WIPI1: variants seen among roughly 807,000 people sequenced by gnomAD.
The protein encoded by WIPI1 is WD repeat domain, phosphoinositide interacting 1, also known as WD repeat domain phosphoinositide-interacting protein 1.
A neutral mutation model predicts 55.3 loss-of-function variants in WIPI1; 45 were observed. The observed-to-expected ratio is 0.81, with a 90% confidence interval of 0.64 to 1.04. The LOEUF (loss-of-function observed/expected upper bound fraction) is 1.04. WIPI1 is among the 50% of genes least tolerant of loss of function. WIPI1 has a pLI of 0.00. For synonymous variants in WIPI1, 195 were observed against 217.6 expected (o/e 0.90, Z 0.92); for missense variants, 445 against 559.0 (o/e 0.80, Z 2.06).
rs778804856 is a variant in WIPI1 at position 68,435,716 on chromosome 17, T to C, written c.529-4A>G. 3.1e-6 allele frequency: 5 copies of C among 1,614,154 alleles called. No homozygotes were observed. The highest frequency in any genetic ancestry group is 4.2e-6 in the Non-Finnish European group (5 of 1,179,970). On this transcript the variant is annotated splice_region_variant and splice_polypyrimidine_tract_variant and intron_variant, in intron 5 of 12. Coordinates refer to ENST00000262139, the MANE Select transcript of WIPI1 (RefSeq NM_017983.7). ...CAGCAATAGTGCAGACTGTTTTCTG[T>C]TGGTGAAAAGGAAAAATGGATACAG...
intron 7 of WIPI1, among the ~76,000 whole-genome samples, chr17:68,433,781 T>TTTTG (rs2083644783): frequency 3.3e-5 from 3 of 90,246 alleles, no homozygotes; most frequent in African/African-American, 1.2e-4. Flanking sequence ...TTTTTTTTTT[T>TTTTG]TTTTTTTTTT....
chr17:68,454,396 T>A lies in WIPI1; in HGVS notation c.81-1404A>T, dbSNP rs1234934952. 2.6e-5 allele frequency among the ~76,000 whole-genome samples: 4 copies of A among 152,170 alleles called. No homozygotes were observed. In the East Asian group the frequency reaches 7.7e-4, roughly 29 times the overall value. ...TTTCACTAGCCTAAAAAAGAGAAGG[T>A]CACATGATTTTCCCTGGAATTTTTT... On this transcript the variant is annotated intron_variant, in intron 1 of 12. Transcript: ENST00000262139.
Position 68,421,589 on chromosome 17 carries a change from G to A in WIPI1, c.*184C>T, listed in dbSNP as rs2082777256. ...GTATACAATGTCTCCCGCGCCCATT[G>A]GCAACCAGGGTCGTGGGAAGCTTGG... On this transcript the variant is annotated 3_prime_UTR_variant, in exon 13 of 13. Coordinates refer to ENST00000262139, the MANE Select transcript of WIPI1 (RefSeq NM_017983.7). 1.2e-5 allele frequency: 9 copies of A among 731,184 alleles called. No homozygotes were observed. The South Asian group carries it at 1.5e-4, about 12-fold the overall frequency. The allele number at this position is 731,184 out of a possible 1,614,324, so 45.3% of individuals were successfully genotyped here.
At chr17:68,449,845 AAAAAAATACAG>A (rs1450536690) in intron 3 of WIPI1, among the ~76,000 whole-genome samples, 82 of 152,236 alleles carry the variant, frequency 5.4e-4, no homozygotes, top group Non-Finnish European at 1.1e-3. Context: ...CTGGCAATAT[AAAAAAATACAG>A]AAAAATTAGC....
rs547691823 is a variant in WIPI1, at chr17:68,423,769, T to C, written c.1294-1949A>G. ...CCCCAAATAAATGATCTGCACAAGGTACCTATTATTTTATACAGGTTCTTT... is the reference window on the plus strand; with the variant it reads ...CCCCAAATAAATGATCTGCACAAGGCACCTATTATTTTATACAGGTTCTTT... On this transcript the variant is annotated intron_variant, in intron 12 of 12. Coordinates refer to ENST00000262139, the MANE Select transcript of WIPI1 (RefSeq NM_017983.7). The surrounding 1 kb of genome is among the most constrained non-coding windows in gnomAD (Gnocchi z 4.4). Among the ~76,000 whole-genome samples, 1 of 152,324 alleles carries C rather than the reference T, an allele frequency of 6.6e-6. No homozygotes were observed. Among genetic ancestry groups the C allele is most frequent in the South Asian group, 2.1e-4 (1 of 4,826 alleles).
intron 1 of WIPI1, among the ~76,000 whole-genome samples, chr17:68,455,782 T>A (rs1456236963): frequency 1.3e-5 from 2 of 152,214 alleles, no homozygotes; most frequent in African/African-American, 4.8e-5. Context: ...ATGGCTAGAG[T>A]ATAAATTAAC....
At chr17:68,437,941 T>A (rs2083889166) in intron 4 of WIPI1, among the ~76,000 whole-genome samples, 1 of 48,602 alleles carries the variant, frequency 2.1e-5, no homozygotes, top group African/African-American at 7.0e-5. Context: ...AAGAGAGACA[T>A]CTCTCTTAAA....
chr17:68,429,883 C>T (rs1367687422), intron 9 of WIPI1, 113 bp downstream of exon 9: 2 of 1,516,638 alleles, frequency 1.3e-6, no homozygotes, highest in Non-Finnish European at 1.8e-6. Flanking sequence ...GCCACCGTGC[C>T]CAGCCTGGGG....
chr17:68,426,020 G>A (rs1322968031), intron 12 of WIPI1, 55 bp downstream of exon 12: 3 of 1,450,160 alleles, frequency 2.1e-6, no homozygotes, highest in Admixed American at 3.4e-5. Flanking sequence ...TGAGGCGAAG[G>A]TTTCCTTCTA....
chr17:68,434,340 T>C (rs1481643283), intron 7 of WIPI1, among the ~76,000 whole-genome samples: 1 of 152,178 alleles, frequency 6.6e-6, no homozygotes, highest in African/African-American at 2.4e-5. Flanking sequence ...AAAAAGGGAC[T>C]CTCACGGCTG....
At chr17:68,427,358 GTTAT>G (rs2083266141) in intron 10 of WIPI1, 105 bp from the exon 11 acceptor site, 16 of 859,426 alleles carry the variant, frequency 1.9e-5, no homozygotes, top group Middle Eastern at 2.3e-4. Flanking sequence ...AGCTCTGTGG[GTTAT>G]TTATTTATTT....
intron 10 of WIPI1, 68 bp from the exon 11 acceptor site, chr17:68,427,321 A>G (rs2083262461): frequency 2.4e-6 from 3 of 1,224,896 alleles, no homozygotes; most frequent in Middle Eastern, 1.9e-4. Flanking sequence ...CACCTTCCAA[A>G]GGAAAAGCAT....
At position 68,443,601 on chromosome 17, in the gene WIPI1, G is replaced by A. The variant is rs779992369; in HGVS notation, c.430+892C>T. Among the ~76,000 whole-genome samples the A allele has an allele frequency of 2.6e-5, 4 of 152,150 alleles. No homozygotes were observed. The South Asian group carries it at 8.3e-4, about 32-fold the overall frequency. ...AATTCTCAGCCAACCCTGGGAGATG[G>A]GTATTATTCATAAGGGAACCAAGGT... On this transcript the variant is annotated intron_variant, in intron 4 of 12. Transcript: ENST00000262139.
chr17:68,435,877 T>C (rs1205598091), intron 5 of WIPI1, among the ~76,000 whole-genome samples, 165 bp from the exon 6 acceptor site: 1 of 152,244 alleles, frequency 6.6e-6, no homozygotes, highest in Non-Finnish European at 1.5e-5. Flanking sequence ...CATTTTCTGG[T>C]GAATCAAGAT....
intron 1 of WIPI1, 114 bp downstream of exon 1, chr17:68,457,228 C>A: frequency 7.8e-7 from 1 of 1,278,550 alleles, no homozygotes; most frequent in Non-Finnish European, 1.1e-6. Flanking sequence ...CAGACACCGG[C>A]CCTCCCGCCG....
At position 68,433,575 on chromosome 17, in the gene WIPI1, C is replaced by A. The variant is rs1447109043; in HGVS notation, c.693G>T (p.Arg231Ser). The A allele has an allele frequency of 6.2e-7, 1 of 1,613,140 alleles. No homozygotes were observed. Among genetic ancestry groups the A allele is most frequent in the East Asian group, 2.2e-5 (1 of 44,854 alleles). The change falls in exon 8 of 13, where the codon AGG becomes AGT. Residue 231 changes from arginine to serine, a missense_variant and splice_region_variant. Physicochemically the swap from Arg to Ser is moderately radical, Grantham distance 110. Transcript: ENST00000262139. Reference sequence around the variant, plus strand: ...ACACTAGAGAGCTGATTGTCACATACCTACAAGCACAGCAACACATGGGTC... The same window carrying A: ...ACACTAGAGAGCTGATTGTCACATAACTACAAGCACAGCAACACATGGGTC... Reference protein sequence around the residue: ...KLYEFRRGMKRYVTISSLVFS... With the variant: ...KLYEFRRGMKSYVTISSLVFS...
intron 10 of WIPI1, 154 bp from the exon 11 acceptor site, chr17:68,427,407 A>T: frequency 1.8e-6 from 1 of 553,878 alleles, no homozygotes; most frequent in South Asian, 2.3e-5. Flanking sequence ...CCCAGGCTGG[A>T]GTGCAGTGGC....
intron 4 of WIPI1, among the ~76,000 whole-genome samples, chr17:68,438,681 A>G (rs1011289983): frequency 1.3e-5 from 2 of 152,100 alleles, no homozygotes; most frequent in African/African-American, 4.8e-5. Flanking sequence ...GCTCACTGCA[A>G]CCTCCGCCTC....
intron 12 of WIPI1, among the ~76,000 whole-genome samples, chr17:68,424,901 AC>A (rs2083057991): frequency 1.3e-5 from 2 of 152,294 alleles, no homozygotes; most frequent in South Asian, 4.1e-4. Context: ...ACAAATCAGT[AC>A]TTCCATCTCG....
Sources: gnomAD v4.1 joint callset for allele counts (sites outside exome capture counted in the v4.1 genomes callset) on GRCh38, gnomAD v4.1.1 for gene constraint, Gnocchi (gnomAD v3.1) non-coding constraint, MANE v1.5 for transcripts, NCBI Gene and HGNC (gene_info 2026-07-23, HGNC 2026-07-21) for gene names.